Variants in PRKCA observed in about 807,000 individuals in gnomAD.
PRKCA encodes the protein protein kinase C alpha type.
PRKCA carries 27 observed loss-of-function variants against 87.0 expected under a neutral mutation model. That is an observed-to-expected ratio of 0.31 (90% confidence interval 0.23 to 0.43). The LOEUF is 0.43. PRKCA is among the 20% of genes least tolerant of loss of function. The pLI is 1.00. For missense variants in PRKCA, 518 were observed against 852.3 expected (o/e 0.61, Z 4.88); for synonymous variants, 329 against 311.1 (o/e 1.06, Z -0.61).
At chr17:66,504,929 C>T (rs1014132812) in intron 3 of PRKCA, among the ~76,000 whole-genome samples, 1 of 152,176 alleles carries the variant, frequency 6.6e-6, no homozygotes, top group African/African-American at 2.4e-5. Context: ...TAATGTTCTG[C>T]ATGTCCTGTC....
At chr17:66,771,963 AT>A (rs1165032035) in intron 13 of PRKCA, among the ~76,000 whole-genome samples, 1 of 152,066 alleles carries the variant, frequency 6.6e-6, no homozygotes, top group Non-Finnish European at 1.5e-5. Context: ...GGCTTCTGGA[AT>A]TTTTTTTAAA....
At chr17:66,531,049 T>G (rs1459067106) in intron 3 of PRKCA, among the ~76,000 whole-genome samples, 1 of 152,224 alleles carries the variant, frequency 6.6e-6, no homozygotes, top group Non-Finnish European at 1.5e-5. Context: ...TATTGATTAC[T>G]TAGATTTTTG....
At chr17:66,786,187 A>C (rs1433234525) in intron 14 of PRKCA, among the ~76,000 whole-genome samples, 1 of 152,226 alleles carries the variant, frequency 6.6e-6, no homozygotes, top group Non-Finnish European at 1.5e-5. Context: ...CTGGGAAGTT[A>C]GTAGAGCTAG....
At chr17:66,433,066 A>C (rs1913180912) in intron 2 of PRKCA, among the ~76,000 whole-genome samples, 1 of 152,124 alleles carries the variant, frequency 6.6e-6, no homozygotes. Context: ...AGTTCAGAAA[A>C]CCAGAAGGTG....
rs540379605 is a variant in PRKCA at position 66,566,862 on chromosome 17, A to G, written c.288+70579A>G. 8.5e-4 allele frequency among the ~76,000 whole-genome samples: 129 copies of G among 152,256 alleles called. 2 individuals carry two copies. In the South Asian group the frequency reaches 0.026, roughly 31 times the overall value. ...AGGAGAGCTTGGGGTTAGGCAGTAT[A>G]GGCCATGAGCCCCTTGCCAGCCTCC... On this transcript the variant is annotated intron_variant, in intron 3 of 16. Transcript: ENST00000413366.
chr17:66,390,690 T>C (rs9897089), intron 2 of PRKCA, among the ~76,000 whole-genome samples: 1,780 of 152,210 alleles, frequency 0.012, 46 homozygotes, highest in African/African-American at 0.041. Flanking sequence ...GTGACCCCCC[T>C]GGGGTGCACA....
chr17:66,324,031 T>C (rs1015853482), intron 2 of PRKCA, among the ~76,000 whole-genome samples: 2 of 152,134 alleles, frequency 1.3e-5, no homozygotes, highest in African/African-American at 4.8e-5. Flanking sequence ...TTTTTCCTGG[T>C]CTTTTAATTT....
chr17:66,617,930 A>AACCTTT (rs1970559109), intron 3 of PRKCA, among the ~76,000 whole-genome samples: 4 of 152,322 alleles, frequency 2.6e-5, no homozygotes, highest in African/African-American at 7.2e-5. Flanking sequence ...TGCTAGAAAC[A>AACCTTT]CATTGTGTCA....
rs934960737 is a variant in PRKCA at position 66,332,459 on chromosome 17, G to T, written c.205+26332G>T. Among the ~76,000 whole-genome samples the T allele has an allele frequency of 2.6e-5, 4 of 151,650 alleles. No homozygotes were observed. In the East Asian group the frequency reaches 5.8e-4, roughly 22 times the overall value. On this transcript the variant is annotated intron_variant, in intron 2 of 16. Transcript: ENST00000413366. ...GCCAGGGTGGTCTTGAACTCCTGAC[G>T]TCAGGTGATCCCCCTGCGTCAGCCT...
intron 2 of PRKCA, among the ~76,000 whole-genome samples, chr17:66,331,892 T>C (rs1361904780): frequency 2.0e-5 from 3 of 152,258 alleles, no homozygotes; most frequent in South Asian, 4.1e-4. Flanking sequence ...AATGCATTGC[T>C]GTAGACTTTT....
At chr17:66,722,642 C>T (rs185204111) in intron 8 of PRKCA, among the ~76,000 whole-genome samples, 510 of 152,248 alleles carry the variant, frequency 3.3e-3, no homozygotes, top group African/African-American at 0.011. Context: ...TAAAGTGAGA[C>T]GTGTCAGTCA....
chr17:66,702,753 G>A (rs1490007534), intron 8 of PRKCA, among the ~76,000 whole-genome samples: 9 of 152,136 alleles, frequency 5.9e-5, no homozygotes, highest in Non-Finnish European at 1.3e-4. Flanking sequence ...GTATCACTAA[G>A]AGATTTCATC....
At position 66,796,648 on chromosome 17, in the gene PRKCA, C is replaced by A. The variant is rs560484401; in HGVS notation, c.1855-7225C>A. The A allele has an allele frequency of 6.5e-5, 64 of 985,382 alleles. No individual in the cohort carries two copies. In the African/African-American group the frequency reaches 1.1e-3, roughly 17 times the overall value. 61.0% of individuals were successfully genotyped at this position (985,382 alleles called of 1,614,324 possible). A position where few individuals can be genotyped will look rare whatever the true frequency, so the allele number is the denominator to read the frequency against. On this transcript the variant is annotated intron_variant, in intron 16 of 16. Coordinates refer to ENST00000413366, the MANE Select transcript of PRKCA (RefSeq NM_002737.3). Reference sequence around the variant, plus strand: ...GAGAAAGGGCAGACCAATGGCCAGACCCCTTTGCTGGATAGCTCCTTAGTA... The same window carrying A: ...GAGAAAGGGCAGACCAATGGCCAGAACCCTTTGCTGGATAGCTCCTTAGTA...
At chr17:66,743,778 C>T (rs1974207950) in intron 13 of PRKCA, among the ~76,000 whole-genome samples, 1 of 152,130 alleles carries the variant, frequency 6.6e-6, no homozygotes, top group African/African-American at 2.4e-5. Context: ...CTGTTGGCAG[C>T]CGGTCTCACA....
At chr17:66,595,984 G>C (rs1405519453) in intron 3 of PRKCA, among the ~76,000 whole-genome samples, 1 of 152,258 alleles carries the variant, frequency 6.6e-6, no homozygotes, top group East Asian at 1.9e-4. Context: ...AGAAGTGCTA[G>C]AAAGAGAGCT....
At chr17:66,594,569 C>T (rs953358951) in intron 3 of PRKCA, among the ~76,000 whole-genome samples, 5 of 152,024 alleles carry the variant, frequency 3.3e-5, no homozygotes, top group African/African-American at 1.2e-4. Flanking sequence ...CTGACACGTT[C>T]TGGGAAATCA....
intron 2 of PRKCA, among the ~76,000 whole-genome samples, chr17:66,376,115 G>T (rs1909402217): frequency 1.3e-5 from 2 of 152,188 alleles, no homozygotes; most frequent in South Asian, 4.1e-4. Context: ...CAGCCTGATG[G>T]AAACACTGTT....
intron 3 of PRKCA, among the ~76,000 whole-genome samples, chr17:66,531,972 A>G (rs2143040381): frequency 6.6e-6 from 1 of 152,274 alleles, no homozygotes; most frequent in East Asian, 1.9e-4. Context: ...TGAGGAGCTA[A>G]GCTGCCGAGC....
intron 2 of PRKCA, among the ~76,000 whole-genome samples, chr17:66,463,016 A>G (rs865898060): frequency 6.6e-6 from 1 of 151,990 alleles, no homozygotes; most frequent in Non-Finnish European, 1.5e-5. Context: ...CCCAGAATCA[A>G]TTGTAAGCCT....
Sources: allele counts gnomAD v4.1 joint callset (sites outside exome capture counted in the v4.1 genomes callset), GRCh38; gene constraint gnomAD v4.1.1; transcripts MANE v1.5; gene names NCBI Gene and HGNC (gene_info 2026-07-23, HGNC 2026-07-21).